The following EOMES variants were observed in gnomAD, a reference collection of about 807,000 sequenced individuals.
EOMES encodes eomesodermin, also known as eomesodermin homolog.
A neutral mutation model predicts 61.0 loss-of-function variants in EOMES; 18 were observed. That is an observed-to-expected ratio of 0.30 (90% CI 0.20 to 0.44). The LOEUF (loss-of-function observed/expected upper bound fraction) is 0.44. Ranked by LOEUF, EOMES falls within the 20% of genes least tolerant of loss-of-function variation. The pLI is 1.00. For synonymous variants in EOMES, 430 were observed against 394.0 expected, an observed-to-expected ratio of 1.09 and a Z score of -1.08; for missense variants, 885 against 939.2, an observed-to-expected ratio of 0.94 and a Z score of 0.75.
In EOMES at chr3:27,722,309, A is replaced by C. The variant is rs1374286971; in HGVS notation, c.-15T>G. The C allele has an allele frequency of 1.3e-6, 2 of 1,535,534 alleles. No individual in the cohort carries two copies. The highest frequency in any genetic ancestry group is 1.7e-6 in the Non-Finnish European group (2 of 1,147,364). ...CCTAACTGCATGCTTTGCAAAGCGC[A>C]GACGGCAGCTGGCTGCTTCCTCTCC... On this transcript the variant is annotated 5_prime_UTR_variant, in exon 1 of 6. Coordinates refer to ENST00000449599, the MANE Select transcript of EOMES (RefSeq NM_001278182.2).
rs200817113 is a variant in EOMES at position 27,717,711 on chromosome 3, A to G, written c.1477T>C (p.Ser493Pro). 23 of 1,613,888 alleles carry G rather than the reference A, an allele frequency of 1.4e-5. No individual in the cohort carries two copies. Among genetic ancestry groups the G allele is most frequent in the Non-Finnish European group, 1.9e-5 (23 of 1,180,016 alleles). ...TTGACAAAGGGCTCCGGGAAGAAGG[A>G]TTGAACGCCGTACCGACCTCCAGGG... ...IVPGGRYGVQ[S>P]FFPEPFVNTL... is the part of the protein sequence containing the mutation. Residue 493 changes from serine (S) to proline (P), a missense_variant, in exon 6 of 6, where the codon TCC becomes CCC. This residue lies in a region of EOMES where 259 missense variants were observed against 282.3 expected (regional missense o/e 0.92). Coordinates refer to ENST00000449599, the MANE Select transcript of EOMES (RefSeq NM_001278182.2). The surrounding 1 kb of genome is among the most constrained non-coding windows in gnomAD (Gnocchi z 4.5).
chr3:27,717,558 G>T lies in EOMES; in HGVS notation c.1630C>A (p.Gln544Lys), dbSNP rs1239549007. The T allele has an allele frequency of 6.2e-7, 1 of 1,614,072 alleles. No individual in the cohort carries two copies. Among genetic ancestry groups the T allele is most frequent in the African/African-American group, 1.3e-5 (1 of 74,928 alleles). The change falls in exon 6 of 6, where the codon CAA becomes AAA. Residue 544 changes from glutamine (Q) to lysine (K), a missense_variant. Gln to Lys is a moderately conservative substitution (Grantham distance 53, BLOSUM62 1). Transcript: ENST00000449599. This position sits in a 1 kb window ranked among gnomAD's most constrained non-coding sequence, Gnocchi z 4.5. Reference protein sequence around the residue: ...PQRWLVTPVQQPGTNKLDISS... With the variant: ...PQRWLVTPVQKPGTNKLDISS... ...ATGTCTAGTTTGTTGGTCCCAGGTT[G>T]CTGGACAGGCGTGACAAGCCACCGC...
In EOMES at chr3:27,717,592, G is replaced by A. The variant is rs2060578794; in HGVS notation, c.1596C>T (p.Asn532=). 2 of 1,614,172 alleles carry A rather than the reference G, an allele frequency of 1.2e-6. No homozygotes were observed. The highest frequency in any genetic ancestry group is 1.7e-6 in the Non-Finnish European group (2 of 1,180,024). The change falls in exon 6 of 6, where the codon AAC becomes AAT. Residue 532 remains asparagine (N), a synonymous_variant. Transcript: ENST00000449599. The surrounding 1 kb of genome is among the most constrained non-coding windows in gnomAD (Gnocchi z 4.5). ...LSPQQSEEVA[N]PPQRWLVTPV... ...GCGTGACAAGCCACCGCTGGGGAGG[G>A]TTGGCCACCTCTTCGCTCTGTTGGG...
Position 27,721,939 on chromosome 3 carries a change from G to T in EOMES, c.356C>A (p.Ala119Glu). The change falls in exon 1 of 6, where the codon GCA becomes GAA. Residue 119 changes from alanine to glutamate, a missense_variant. Ala to Glu is a moderately radical substitution (Grantham distance 107). Around this residue, in one of 3 missense-constraint regions of EOMES, gnomAD observed 449 missense variants for 383.6 expected, o/e 1.17. Transcript: ENST00000449599. The surrounding 1 kb of genome is among the most constrained non-coding windows in gnomAD (Gnocchi z 7.4). ...CGCGGCGGCGGCGGCGGCGGCGGCTGCAGCGGCGGAGGGCAGCTCCTCCTC... is the reference window on the plus strand; with the variant it reads ...CGCGGCGGCGGCGGCGGCGGCGGCTTCAGCGGCGGAGGGCAGCTCCTCCTC... ...CGEEELPSAA[A>E]AAAAAAAAAA... The T allele has an allele frequency of 1.4e-6, 2 of 1,387,554 alleles. No homozygotes were observed. The highest frequency in any genetic ancestry group is 6.1e-5 in the East Asian group (2 of 32,528). 86.0% of individuals were successfully genotyped at this position (1,387,554 alleles called of 1,614,324 possible). A position where few individuals can be genotyped will look rare whatever the true frequency, so the allele number is the denominator to read the frequency against.
chr3:27,721,935 G>C lies in EOMES; in HGVS notation c.360C>G (p.Ala120=). The C allele has an allele frequency of 2.9e-6, 4 of 1,370,462 alleles. No homozygotes were observed. The highest frequency in any genetic ancestry group is 3.7e-6 in the Non-Finnish European group (4 of 1,073,652). The allele number at this position is 1,370,462 out of a possible 1,614,324, so 84.9% of individuals were successfully genotyped here. Residue 120 remains alanine, a synonymous_variant, in exon 1 of 6, where the codon GCC becomes GCG. Transcript: ENST00000449599. This position sits in a 1 kb window ranked among gnomAD's most constrained non-coding sequence, Gnocchi z 7.4. ...GEEELPSAAA[A]AAAAAAAAAA... ...CAGCCGCGGCGGCGGCGGCGGCGGC[G>C]GCTGCAGCGGCGGAGGGCAGCTCCT...
In EOMES at chr3:27,722,014, G is replaced by A. The variant is rs1313901279; in HGVS notation, c.281C>T (p.Ala94Val). ...GTCCGGGGGCCCCGGCTTGGCCACT[G>A]CCGCAGCGCTGGCAAATGCGTCCCC... Reference protein sequence around the residue: ...DAGDAFASAAAVAKPGPPDGR... With the variant: ...DAGDAFASAAVVAKPGPPDGR... The change falls in exon 1 of 6, where the codon GCA (alanine) becomes GTA (valine). Residue 94 changes from alanine to valine, a missense_variant. By Grantham distance (64) the Ala-to-Val change is moderately conservative. Around this residue, in one of 3 missense-constraint regions of EOMES, gnomAD observed 449 missense variants for 383.6 expected, o/e 1.17. Coordinates refer to ENST00000449599, the MANE Select transcript of EOMES (RefSeq NM_001278182.2). 1.5e-5 allele frequency: 22 copies of A among 1,515,138 alleles called. No homozygotes were observed. The highest frequency in any genetic ancestry group is 1.9e-5 in the Non-Finnish European group (21 of 1,133,790). The allele number at this position is 1,515,138 out of a possible 1,614,324, so 93.9% of individuals were successfully genotyped here.
rs1363891694 is a variant in EOMES, at chr3:27,722,219, G to C, written c.76C>G (p.Arg26Gly). Residue 26 changes from arginine (R) to glycine (G), a missense_variant, in exon 1 of 6, where the codon CGA (arginine) becomes GGA (glycine). Transcript: ENST00000449599. ...GAHFYPLESA[R>G]GGSGGSAGHL... ...CCAGCGCTCCCGCCGCTGCCGCCTC[G>C]CGCACTCTCCAGCGGGTAGAAGTGC... The C allele has an allele frequency of 1.9e-6, 3 of 1,604,528 alleles. No individual in the cohort carries two copies. Among genetic ancestry groups the C allele is most frequent in the East Asian group, 2.3e-5 (1 of 44,142 alleles).
Position 27,721,518 on chromosome 3 carries a change from C to G in EOMES, c.777G>C (p.Gly259=). 1 of 1,611,220 alleles carries G rather than the reference C, an allele frequency of 6.2e-7. No homozygotes were observed. The highest frequency in any genetic ancestry group is 8.5e-7 in the Non-Finnish European group (1 of 1,178,792). The change falls in exon 1 of 6, where the codon GGG becomes GGC. Residue 259 remains glycine, a synonymous_variant. Transcript: ENST00000449599. The surrounding 1 kb of genome is among the most constrained non-coding windows in gnomAD (Gnocchi z 7.4). ...GGGCACGGAAGCCAGAACCTGGAAC[C>G]CCCAGGCCCCCCAGTCCTCCGCAAG... The part of the protein sequence containing the change: ...AGSCGGLGGL[G]VPGSGFRAHV...
At chr3:27,720,423 CG>C (rs1466848016) in intron 1 of EOMES, 98 bp from the exon 2 acceptor site, 30 of 949,326 alleles carry the variant, frequency 3.2e-5, no homozygotes, top group Non-Finnish European at 5.1e-5. Context: ...GGGATAGGGT[CG>C]GAACACATTT....
At chr3:27,719,552 A>G (rs1416810548) in intron 2 of EOMES, 71 bp from the exon 3 acceptor site, 1 of 1,413,626 alleles carries the variant, frequency 7.1e-7, no homozygotes, top group Admixed American at 1.8e-5. Flanking sequence ...AAGCGGAGGG[A>G]TGTCTCTTAG....
At chr3:27,722,513 A>G, upstream of EOMES, 5 of 1,349,070 alleles carry the variant, frequency 3.7e-6, no homozygotes, top group Non-Finnish European at 4.7e-6. Flanking sequence ...CGTGAGTTGG[A>G]AAGCAGGAGG....
chr3:27,722,546 C>G, upstream of EOMES: 1 of 1,305,556 alleles, frequency 7.7e-7, no homozygotes, highest in Non-Finnish European at 9.7e-7. Context: ...CAGAAGCCCT[C>G]TCCTTTTCCT....
chr3:27,720,327 TG>T lies in EOMES; in HGVS notation c.882-3del. On this transcript the variant is annotated splice_region_variant and splice_polypyrimidine_tract_variant and intron_variant, in intron 1 of 5. Transcript: ENST00000449599. Reference sequence around the variant, plus strand: ...AAGCTCAAGAAAGGAAACATGCGCCTGTGCAAGGGAATAGAATCAGAAAAAT... The same window carrying T: ...AAGCTCAAGAAAGGAAACATGCGCCTTGCAAGGGAATAGAATCAGAAAAAT... 6.2e-7 allele frequency: 1 copy of T among 1,613,590 alleles called. No individual in the cohort carries two copies. The highest frequency in any genetic ancestry group is 1.1e-5 in the South Asian group (1 of 91,072).
At chr3:27,718,445 AG>A (rs761871476) in intron 5 of EOMES, 141 bp downstream of exon 5, 19 of 548,588 alleles carry the variant, frequency 3.5e-5, no homozygotes, top group Non-Finnish European at 5.1e-5. Flanking sequence ...AGATTAGTAA[AG>A]GAAAAAATTT....
At chr3:27,720,617 A>G (rs1232216171) in intron 1 of EOMES, among the ~76,000 whole-genome samples, 3 of 148,484 alleles carry the variant, frequency 2.0e-5, no homozygotes, top group Middle Eastern at 3.5e-3. Flanking sequence ...GTGCTTCCGA[A>G]GGCTCATATT....
Position 27,717,196 on chromosome 3 carries a change from C to A in EOMES, c.1992G>T (p.Leu664=). Residue 664 remains leucine (L), a synonymous_variant, in exon 6 of 6, where the codon CTG becomes CTT. Transcript: ENST00000449599. The surrounding 1 kb of genome is among the most constrained non-coding windows in gnomAD (Gnocchi z 4.5). ...TTTCATTACTGGAGTTGCTAGGAGA[C>A]AGCCGCCTTCGCTTACAAGCACTGG... ...VYTSACKRRR[L]SPSNSSNENS... is the part of the protein sequence containing the mutation. 2 of 1,614,116 alleles carry A rather than the reference C, an allele frequency of 1.2e-6. No individual in the cohort carries two copies. Among genetic ancestry groups the A allele is most frequent in the African/African-American group, 1.3e-5 (1 of 75,064 alleles).
In EOMES at chr3:27,717,318, G is replaced by A; in HGVS notation, c.1870C>T (p.Leu624Phe). The A allele has an allele frequency of 6.2e-7, 1 of 1,614,180 alleles. No homozygotes were observed. Among genetic ancestry groups the A allele is most frequent in the African/African-American group, 1.3e-5 (1 of 75,048 alleles). The change falls in exon 6 of 6, where the codon CTC becomes TTC. Residue 624 changes from leucine to phenylalanine, a missense_variant. Around this residue, in one of 3 missense-constraint regions of EOMES, gnomAD observed 259 missense variants for 282.3 expected, o/e 0.92. Coordinates refer to ENST00000449599, the MANE Select transcript of EOMES (RefSeq NM_001278182.2). This position sits in a 1 kb window ranked among gnomAD's most constrained non-coding sequence, Gnocchi z 4.5. ...TSPTVFSEDQ[L>F]SKEKVKEEIG... ...TCCTCTTTCACTTTCTCCTTGGAGA[G>A]CTGATCTTCAGAGAACACAGTGGGG...
rs779133437 is a variant in EOMES, at chr3:27,722,210, T to G, written c.85A>C (p.Ser29Arg). 9 of 1,604,076 alleles carry G rather than the reference T, an allele frequency of 5.6e-6. No homozygotes were observed. Among genetic ancestry groups the G allele is most frequent in the Admixed American group, 1.7e-5 (1 of 58,932 alleles). Residue 29 changes from serine to arginine, a missense_variant, in exon 1 of 6, where the codon AGC becomes CGC. Physicochemically the swap from Ser to Arg is moderately radical, Grantham distance 110 (BLOSUM62 -1). Transcript: ENST00000449599. ...GGGAGGTGGCCAGCGCTCCCGCCGC[T>G]GCCGCCTCGCGCACTCTCCAGCGGG... ...FYPLESARGG[S>R]GGSAGHLPSA...
chr3:27,717,304 T>G lies in EOMES; in HGVS notation c.1884A>C (p.Lys628Asn). Reference protein sequence around the residue: ...VFSEDQLSKEKVKEEIGSSWI... With the variant: ...VFSEDQLSKENVKEEIGSSWI... ...AAGAAGAGCCAATTTCCTCTTTCAC[T>G]TTCTCCTTGGAGAGCTGATCTTCAG... The change falls in exon 6 of 6, where the codon AAA becomes AAC. Residue 628 changes from lysine (K) to asparagine (N), a missense_variant. This residue lies in a region of EOMES where 259 missense variants were observed against 282.3 expected (regional missense o/e 0.92). Coordinates refer to ENST00000449599, the MANE Select transcript of EOMES (RefSeq NM_001278182.2). This position sits in a 1 kb window ranked among gnomAD's most constrained non-coding sequence, Gnocchi z 4.5. 3.1e-6 allele frequency: 5 copies of G among 1,614,190 alleles called. No individual in the cohort carries two copies. The highest frequency in any genetic ancestry group is 4.2e-6 in the Non-Finnish European group (5 of 1,180,030).
Sources: allele counts gnomAD v4.1 joint callset (sites outside exome capture counted in the v4.1 genomes callset), GRCh38; gene constraint gnomAD v4.1.1; regional missense constraint gnomAD v4.1.1; non-coding constraint Gnocchi (gnomAD v3.1); transcripts MANE v1.5; gene names NCBI Gene and HGNC (gene_info 2026-07-23, HGNC 2026-07-21).